The following PCSK2 variants were observed in gnomAD, a reference collection of about 807,000 sequenced individuals.
PCSK2 encodes the protein proprotein convertase subtilisin/kexin type 2.
A neutral mutation model predicts 69.7 loss-of-function variants in PCSK2; 14 were observed. That is an observed-to-expected ratio of 0.20 (90% CI 0.13 to 0.31). The LOEUF (loss-of-function observed/expected upper bound fraction) is 0.31, where lower values mean the gene tolerates loss of function less well. Among genes scored for constraint, PCSK2 ranks in the 10% least tolerant of loss-of-function variants. The pLI is 1.00. For missense variants in PCSK2, 544 were observed against 842.5 expected, an observed-to-expected ratio of 0.65 and a Z score of 4.39; for synonymous variants, 307 against 320.7, an observed-to-expected ratio of 0.96 and a Z score of 0.46.
At chr20:17,410,740 C>T (rs746453241) in intron 6 of PCSK2, among the ~76,000 whole-genome samples, 3 of 152,094 alleles carry the variant, frequency 2.0e-5, no homozygotes, top group Non-Finnish European at 4.4e-5. Flanking sequence ...GCAAATAAAC[C>T]ATTTCAGACA....
intron 2 of PCSK2, among the ~76,000 whole-genome samples, chr20:17,328,938 C>A (rs898444565): frequency 6.6e-6 from 1 of 152,176 alleles, no homozygotes; most frequent in African/African-American, 2.4e-5. Context: ...GCTAAGACAT[C>A]CTGTGGGTGA....
At chr20:17,358,546 C>T in intron 3 of PCSK2, 106 bp downstream of exon 3, 2 of 678,366 alleles carry the variant, frequency 2.9e-6, no homozygotes, top group South Asian at 1.8e-5. Flanking sequence ...AGTATCCAAC[C>T]CAGTGACCCT....
At chr20:17,381,889 G>C (rs2031095427) in intron 5 of PCSK2, among the ~76,000 whole-genome samples, 1 of 151,868 alleles carries the variant, frequency 6.6e-6, no homozygotes, top group South Asian at 2.1e-4. Flanking sequence ...GTGACAGATG[G>C]GCACTGAGTC....
At chr20:17,406,461 T>TC (rs11464804) in intron 5 of PCSK2, among the ~76,000 whole-genome samples, 10,799 of 152,286 alleles carry the variant, frequency 0.071, 501 homozygotes, top group Non-Finnish European at 0.11. Context: ...TCCTGAGTTA[T>TC]CATCCATTTC....
intron 2 of PCSK2, among the ~76,000 whole-genome samples, chr20:17,356,329 G>T (rs2030195790): frequency 1.3e-5 from 2 of 151,788 alleles, no homozygotes; most frequent in Admixed American, 6.6e-5. Context: ...GTCCTTTGTT[G>T]GAATACCTCC....
chr20:17,353,465 C>CAA (rs34448859), intron 2 of PCSK2, among the ~76,000 whole-genome samples: 5 of 145,248 alleles, frequency 3.4e-5, no homozygotes, highest in Non-Finnish European at 7.5e-5. Flanking sequence ...CTCCATCACA[C>CAA]AAAAAAAAAA....
chr20:17,282,976 T>G (rs1357776871), intron 2 of PCSK2, among the ~76,000 whole-genome samples: 1 of 152,168 alleles, frequency 6.6e-6, no homozygotes, highest in East Asian at 1.9e-4. Context: ...AAAGAATGGT[T>G]AGGATTGGGG....
At chr20:17,358,020 A>G (rs1469096600) in intron 2 of PCSK2, among the ~76,000 whole-genome samples, 1 of 152,168 alleles carries the variant, frequency 6.6e-6, no homozygotes, top group East Asian at 1.9e-4. Flanking sequence ...AAATAATGGT[A>G]ACGGGTCAGG....
intron 2 of PCSK2, among the ~76,000 whole-genome samples, chr20:17,315,147 G>T (rs151252786): frequency 6.6e-6 from 1 of 151,962 alleles, no homozygotes; most frequent in Admixed American, 6.6e-5. Context: ...GGGACTTCTG[G>T]AGTCCCTCCC....
At chr20:17,371,093 T>C (rs1453715845) in intron 5 of PCSK2, among the ~76,000 whole-genome samples, 1 of 152,134 alleles carries the variant, frequency 6.6e-6, no homozygotes, top group Non-Finnish European at 1.5e-5. Flanking sequence ...GGGGAAACAA[T>C]CATCTTGTCA....
intron 2 of PCSK2, among the ~76,000 whole-genome samples, chr20:17,352,849 G>C (rs972359384): frequency 7.9e-5 from 12 of 152,124 alleles, no homozygotes; most frequent in African/African-American, 2.9e-4. Context: ...TTGACAGGCG[G>C]ACCTAATTAA....
At chr20:17,382,802 C>T (rs1218280569) in intron 5 of PCSK2, among the ~76,000 whole-genome samples, 1 of 152,164 alleles carries the variant, frequency 6.6e-6, no homozygotes, top group Non-Finnish European at 1.5e-5. Flanking sequence ...TCTCCCCCTT[C>T]CCTGTGAGAC....
At chr20:17,374,677 C>T (rs1202456535) in intron 5 of PCSK2, among the ~76,000 whole-genome samples, 2 of 152,044 alleles carry the variant, frequency 1.3e-5, no homozygotes, top group African/African-American at 2.4e-5. Context: ...GAGCAAATTA[C>T]CCCCTAGGGC....
Position 17,347,962 on chromosome 20 carries a change from GAA to G in PCSK2, c.283-10363_283-10362del, listed in dbSNP as rs1990725790. Among the ~76,000 whole-genome samples the G allele has an allele frequency of 4.5e-4, 8 of 17,830 alleles. 2 individuals carry two copies. The highest frequency in any genetic ancestry group is 2.0e-3 in the Admixed American group (2 of 976). The allele number at this position is 17,830 out of a possible 152,430, so 11.7% of individuals were successfully genotyped here. A position where few individuals can be genotyped will look rare whatever the true frequency, so the allele number is the denominator to read the frequency against. On this transcript the variant is annotated intron_variant, in intron 2 of 11. Transcript: ENST00000262545. The stretch of plus-strand genomic sequence containing the variant: ...AAAGAAAGAAAGAAAGAAAGAAAGA[GAA>G]AGAAAGAAAGAAAGAAAGAGGAGAG...
chr20:17,370,515 A>G (rs11698602), intron 5 of PCSK2, among the ~76,000 whole-genome samples: 22,953 of 152,256 alleles, frequency 0.15, 1,942 homozygotes, highest in Middle Eastern at 0.29. Flanking sequence ...TGGCCCCAGA[A>G]AGAAATGACA....
chr20:17,227,525 G>A (rs1324222880), intron 1 of PCSK2, 43 bp downstream of exon 1: 1 of 1,510,638 alleles, frequency 6.6e-7, no homozygotes, highest in East Asian at 2.3e-5. Context: ...CAAAACGGGG[G>A]GACGGGGGGG....
chr20:17,375,338 G>A (rs2030892543), intron 5 of PCSK2, among the ~76,000 whole-genome samples: 1 of 151,916 alleles, frequency 6.6e-6, no homozygotes, highest in South Asian at 2.1e-4. Context: ...CAAAGTTAAG[G>A]GCAAAAATCA....
chr20:17,338,219 C>T (rs970725260), intron 2 of PCSK2, among the ~76,000 whole-genome samples: 5 of 147,430 alleles, frequency 3.4e-5, no homozygotes, highest in African/African-American at 9.9e-5. Context: ...TTTTTTGAGA[C>T]GGAGTCTCAC....
At chr20:17,346,018 T>G (rs1990641994) in intron 2 of PCSK2, among the ~76,000 whole-genome samples, 2 of 152,200 alleles carry the variant, frequency 1.3e-5, no homozygotes, top group Admixed American at 1.3e-4. Flanking sequence ...ACTGCAGAAC[T>G]TCTTCAGTCA....
Sources: allele counts gnomAD v4.1 joint callset (sites outside exome capture counted in the v4.1 genomes callset), GRCh38; gene constraint gnomAD v4.1.1; transcripts MANE v1.5; gene names NCBI Gene and HGNC (gene_info 2026-07-23, HGNC 2026-07-21).